Variants in DYTN observed in about 807,000 individuals in gnomAD.
The protein encoded by DYTN is dystrotelin.
A neutral mutation model predicts 69.6 loss-of-function variants in DYTN; 75 were observed. The ratio of observed to expected loss-of-function variants is 1.08; its 90% confidence interval spans 0.89 to 1.31. The LOEUF (loss-of-function observed/expected upper bound fraction) is 1.31. Among genes scored for constraint, DYTN ranks in the 50% most tolerant of loss-of-function variants. The pLI, the probability that DYTN is intolerant of heterozygous loss-of-function variation, is 0.00. For missense variants in DYTN, 726 were observed against 688.4 expected (o/e 1.05, Z -0.61); for synonymous variants, 252 against 249.1 (o/e 1.01, Z -0.11).
In DYTN at chr2:206,651,898, C is replaced by A; in HGVS notation, c.1657G>T (p.Asp553Tyr). 1 of 1,613,224 alleles carries A rather than the reference C, an allele frequency of 6.2e-7. No homozygotes were observed. Residue 553 changes from aspartate to tyrosine, a missense_variant, in exon 12 of 12, where the codon GAC becomes TAC. Asp to Tyr is a radical substitution (Grantham distance 160). Transcript: ENST00000452335. The part of the protein sequence containing the change: ...PSGPESSVNM[D>Y]LYSGAQRVCR... The stretch of plus-strand genomic sequence containing the variant: ...ACTCGCTGAGCTCCACTGTACAGGT[C>A]CATGTTTACTGAAGACTCCGGGCCT...
At chr2:206,704,518 C>T (rs1016066796) in intron 5 of DYTN, among the ~76,000 whole-genome samples, 3 of 152,188 alleles carry the variant, frequency 2.0e-5, no homozygotes, top group African/African-American at 4.8e-5. Context: ...TAGACAGATA[C>T]ATCATTGTCT....
chr2:206,651,965 T>G, intron 11 of DYTN, 44 bp from the exon 12 acceptor site: 1 of 1,542,520 alleles, frequency 6.5e-7, no homozygotes, highest in Non-Finnish European at 8.9e-7. Flanking sequence ...AACATACCGG[T>G]AGCTTCTCAT....
In DYTN at chr2:206,700,286, T is replaced by A; in HGVS notation, c.484-70A>T. Reference sequence around the variant, plus strand: ...ATGTCGTCTCCGGGAGCAGCAGGGCTGAGAGCTGGTGCCCACGGCTGTGTA... The same window carrying A: ...ATGTCGTCTCCGGGAGCAGCAGGGCAGAGAGCTGGTGCCCACGGCTGTGTA... On this transcript the variant is annotated intron_variant, in intron 5 of 11. Transcript: ENST00000452335. The A allele has an allele frequency of 2.6e-6, 4 of 1,547,964 alleles. No homozygotes were observed. In the East Asian group the frequency reaches 9.1e-5, roughly 35 times the overall value.
At chr2:206,703,074 T>G (rs1699991449) in intron 5 of DYTN, among the ~76,000 whole-genome samples, 1 of 152,142 alleles carries the variant, frequency 6.6e-6, no homozygotes, top group Non-Finnish European at 1.5e-5. Flanking sequence ...TAAGACCTTC[T>G]CAGGAGCATA....
intron 9 of DYTN, among the ~76,000 whole-genome samples, chr2:206,692,530 A>G (rs1699876178): frequency 6.6e-6 from 1 of 152,182 alleles, no homozygotes; most frequent in South Asian, 2.1e-4. Context: ...ATAAAAACAT[A>G]AAAATATTTA....
At chr2:206,664,547 G>C (rs906785712) in intron 10 of DYTN, among the ~76,000 whole-genome samples, 17 of 152,076 alleles carry the variant, frequency 1.1e-4, no homozygotes, top group African/African-American at 4.1e-4. Context: ...TGAGATCCTA[G>C]CTAGCCACGA....
chr2:206,658,631 G>A (rs1208878938), intron 11 of DYTN, among the ~76,000 whole-genome samples: 2 of 152,152 alleles, frequency 1.3e-5, no homozygotes, highest in Non-Finnish European at 2.9e-5. Context: ...CCCTTGGACA[G>A]CCCCCAGAAG....
intron 9 of DYTN, among the ~76,000 whole-genome samples, chr2:206,677,236 C>T (rs1035531012): frequency 6.6e-6 from 1 of 152,164 alleles, no homozygotes; most frequent in African/African-American, 2.4e-5. Flanking sequence ...GTGTGAGCCA[C>T]TGCACCCAAG....
intron 11 of DYTN, among the ~76,000 whole-genome samples, chr2:206,659,403 T>C (rs1251376311): frequency 6.9e-6 from 1 of 144,006 alleles, no homozygotes; most frequent in African/African-American, 2.6e-5. Flanking sequence ...ATCGATCTCC[T>C]GACCTCGTGA....
At chr2:206,710,687 G>T in intron 1 of DYTN, 89 bp from the exon 2 acceptor site, 3 of 1,054,066 alleles carry the variant, frequency 2.8e-6, no homozygotes, top group Non-Finnish European at 2.6e-6. Flanking sequence ...GATCATGTAA[G>T]CTTACTTTAT....
At position 206,663,190 on chromosome 2, in the gene DYTN, G is replaced by T; in HGVS notation, c.1346C>A (p.Ala449Asp). ...SHRSHTNAEH[A>D]LRNPESPETT... ...CTCTGGTGATTCTGGATTTCGCAGA[G>T]CATGCTCTGCATTTGTGTGACTTCT... The change falls in exon 11 of 12, where the codon GCT becomes GAT. Residue 449 changes from alanine to aspartate, a missense_variant. Coordinates refer to ENST00000452335, the MANE Select transcript of DYTN (RefSeq NM_001093730.1). 6.2e-7 allele frequency: 1 copy of T among 1,613,962 alleles called. No individual in the cohort carries two copies. Among genetic ancestry groups the T allele is most frequent in the Non-Finnish European group, 8.5e-7 (1 of 1,179,900 alleles).
At chr2:206,716,078 C>A (rs1254407008) in intron 1 of DYTN, among the ~76,000 whole-genome samples, 1 of 151,994 alleles carries the variant, frequency 6.6e-6, no homozygotes, top group Non-Finnish European at 1.5e-5. Context: ...CAGAGCGAGA[C>A]TCCATCTCAA....
chr2:206,704,729 TG>T lies in DYTN; in HGVS notation c.483+113del, dbSNP rs1210678067. On this transcript the variant is annotated intron_variant, in intron 5 of 11. Coordinates refer to ENST00000452335, the MANE Select transcript of DYTN (RefSeq NM_001093730.1). ...AGCAATGGCTATGGAGGAGAGAGCT[TG>T]CATGGAGTTATATATAAAGATAGAC... 3.7e-5 allele frequency: 32 copies of T among 854,118 alleles called. No homozygotes were observed. The East Asian group carries it at 8.5e-4, about 23-fold the overall frequency. The allele number at this position is 854,118 out of a possible 1,614,324, so 52.9% of individuals were successfully genotyped here.
intron 4 of DYTN, chr2:206,705,155 G>T: frequency 3.7e-6 from 2 of 542,556 alleles, no homozygotes; most frequent in Non-Finnish European, 6.6e-6. Flanking sequence ...AGAGTGCAAT[G>T]GCACAATCTT....
At chr2:206,696,448 C>T (rs185018559) in intron 7 of DYTN, among the ~76,000 whole-genome samples, 151 of 152,306 alleles carry the variant, frequency 9.9e-4, no homozygotes, top group African/African-American at 3.6e-3. Flanking sequence ...CCAACCCTGA[C>T]TCCCATGGCA....
Position 206,716,724 on chromosome 2 carries a change from T to C in DYTN, c.19+1537A>G, listed in dbSNP as rs144695005. Among the ~76,000 whole-genome samples the C allele has an allele frequency of 8.9e-4, 136 of 152,254 alleles. 1 individual carries two copies. Among genetic ancestry groups the C allele is most frequent in the African/African-American group, 3.0e-3 (125 of 41,572 alleles). On this transcript the variant is annotated intron_variant, in intron 1 of 11. Transcript: ENST00000452335. ...ACAATAGTGTAATGCCCAACATTTC[T>C]TTCCTCTGGAAATTGGCCAATGTTT... is the stretch of plus-strand genomic sequence containing the variant.
chr2:206,663,577 C>A (rs1699537539), intron 10 of DYTN, among the ~76,000 whole-genome samples, 182 bp from the exon 11 acceptor site: 1 of 152,150 alleles, frequency 6.6e-6, no homozygotes, highest in Non-Finnish European at 1.5e-5. Flanking sequence ...ACCTAAAACT[C>A]TCTACAAGAG....
chr2:206,672,443 C>G (rs1374935502), intron 9 of DYTN, among the ~76,000 whole-genome samples: 2 of 152,172 alleles, frequency 1.3e-5, no homozygotes, highest in Non-Finnish European at 2.9e-5. Flanking sequence ...AATAGAGTAG[C>G]TCCTTATTTG....
In DYTN at chr2:206,709,502, A is replaced by T. The variant is rs540486354; in HGVS notation, c.94+1022T>A. Among the ~76,000 whole-genome samples the T allele has an allele frequency of 2.0e-5, 3 of 152,068 alleles. No individual in the cohort carries two copies. The South Asian group carries it at 6.2e-4, about 32-fold the overall frequency. On this transcript the variant is annotated intron_variant, in intron 2 of 11. Transcript: ENST00000452335. ...ACACATACAAGCAAACACGGTATGGAAAATAGAGAAGGATGGAGTTGTTCC... is the reference window on the plus strand; with the variant it reads ...ACACATACAAGCAAACACGGTATGGTAAATAGAGAAGGATGGAGTTGTTCC...
Sources: gnomAD v4.1 joint callset for allele counts (sites outside exome capture counted in the v4.1 genomes callset) on GRCh38, gnomAD v4.1.1 for gene constraint, MANE v1.5 for transcripts, NCBI Gene and HGNC (gene_info 2026-07-23, HGNC 2026-07-21) for gene names.